ARHGEF10L: variants seen among roughly 807,000 people sequenced by gnomAD.
ARHGEF10L encodes rho guanine nucleotide exchange factor 10-like protein.
A neutral mutation model predicts 141.2 loss-of-function variants in ARHGEF10L; 69 were observed. The ratio of observed to expected loss-of-function variants is 0.49; its 90% CI spans 0.40 to 0.60. ARHGEF10L has a LOEUF of 0.60. Among genes scored for constraint, ARHGEF10L ranks in the 20% least tolerant of loss-of-function variants. ARHGEF10L has a pLI of 0.00. For synonymous variants in ARHGEF10L, 711 were observed against 718.5 expected (o/e 0.99, Z 0.17); for missense variants, 1,482 against 1,734.3 (o/e 0.85, Z 2.58).
rs1235151894 is a variant in ARHGEF10L at position 17,644,359 on chromosome 1, G to T, written c.2272+4057G>T. The stretch of plus-strand genomic sequence containing the variant: ...CTCAGCATGTCCTTGAACCCTCACT[G>T]CTGTCCCACAGGCTGGTGCTGGGAT... On this transcript the variant is annotated intron_variant, in intron 21 of 28. Transcript: ENST00000361221. This position sits in a 1 kb window ranked among gnomAD's most constrained non-coding sequence, Gnocchi z 4.5. Among the ~76,000 whole-genome samples the T allele has an allele frequency of 2.0e-5, 3 of 152,378 alleles. No individual in the cohort carries two copies. The highest frequency in any genetic ancestry group is 4.4e-5 in the Non-Finnish European group (3 of 68,040).
At chr1:17,546,171 G>C (rs2076907664) in intron 1 of ARHGEF10L, among the ~76,000 whole-genome samples, 1 of 152,130 alleles carries the variant, frequency 6.6e-6, no homozygotes. Context: ...GAGGTTTCTT[G>C]GTAGTTTCCT....
intron 7 of ARHGEF10L, among the ~76,000 whole-genome samples, chr1:17,608,362 A>T (rs1181017521): frequency 1.3e-5 from 2 of 152,174 alleles, no homozygotes; most frequent in Non-Finnish European, 2.9e-5. Flanking sequence ...CCTGGATCAG[A>T]TCCACTTGCT....
chr1:17,659,619 GC>G (rs1401961251), intron 25 of ARHGEF10L, among the ~76,000 whole-genome samples: 1 of 152,200 alleles, frequency 6.6e-6, no homozygotes, highest in Non-Finnish European at 1.5e-5. Flanking sequence ...CACCATAGTG[GC>G]CCTGGTGGTG....
At chr1:17,631,483 G>A (rs1021976868) in intron 15 of ARHGEF10L, among the ~76,000 whole-genome samples, 3 of 152,184 alleles carry the variant, frequency 2.0e-5, no homozygotes, top group Non-Finnish European at 4.4e-5. Flanking sequence ...CCTAAGAGGC[G>A]AGACAGGCCA....
intron 4 of ARHGEF10L, among the ~76,000 whole-genome samples, chr1:17,597,859 T>C (rs1189990061): frequency 6.6e-6 from 1 of 152,142 alleles, no homozygotes; most frequent in African/African-American, 2.4e-5. Context: ...GCTCATCAGG[T>C]GTTTCCAAAT....
At chr1:17,594,052 C>A (rs564818554) in intron 4 of ARHGEF10L, among the ~76,000 whole-genome samples, 1 of 151,462 alleles carries the variant, frequency 6.6e-6, no homozygotes, top group Non-Finnish European at 1.5e-5. Flanking sequence ...CACCTCTTTA[C>A]TGAGTGACTG....
intron 1 of ARHGEF10L, among the ~76,000 whole-genome samples, chr1:17,579,387 G>A (rs961777805): frequency 6.6e-6 from 1 of 152,164 alleles, no homozygotes; most frequent in African/African-American, 2.4e-5. Context: ...GAGTGTAGTA[G>A]CTGCTTCTAA....
chr1:17,631,999 G>A (rs2060720374), intron 15 of ARHGEF10L, among the ~76,000 whole-genome samples: 1 of 152,232 alleles, frequency 6.6e-6, no homozygotes, highest in South Asian at 2.1e-4. Context: ...GTCCTTGGCA[G>A]TGGCAATCAG....
At chr1:17,546,506 A>C (rs1173515932) in intron 1 of ARHGEF10L, among the ~76,000 whole-genome samples, 1 of 152,182 alleles carries the variant, frequency 6.6e-6, no homozygotes, top group Non-Finnish European at 1.5e-5. Context: ...ATTGAGTCTC[A>C]GAGACTTATC....
chr1:17,548,146 A>G (rs891296518), intron 1 of ARHGEF10L, among the ~76,000 whole-genome samples: 1 of 152,296 alleles, frequency 6.6e-6, no homozygotes, highest in Non-Finnish European at 1.5e-5. Context: ...GGCTTTTGTC[A>G]TGTAGGGGAG....
At chr1:17,693,540 G>A (rs2065254345) in intron 27 of ARHGEF10L, among the ~76,000 whole-genome samples, 1 of 152,200 alleles carries the variant, frequency 6.6e-6, no homozygotes, top group Admixed American at 6.5e-5. Flanking sequence ...GAAGTGTCAT[G>A]CCCAAGGAGG....
chr1:17,543,370 G>A (rs2076799729), intron 1 of ARHGEF10L, among the ~76,000 whole-genome samples: 1 of 152,078 alleles, frequency 6.6e-6, no homozygotes, highest in Non-Finnish European at 1.5e-5. Context: ...ATCCCCTGAG[G>A]TCGGGAGTTC....
intron 13 of ARHGEF10L, among the ~76,000 whole-genome samples, chr1:17,624,902 T>G (rs988383950): frequency 5.9e-5 from 9 of 152,214 alleles, no homozygotes; most frequent in Non-Finnish European, 1.5e-5. Flanking sequence ...AGGGGTATCT[T>G]GGGCATTGCT....
intron 22 of ARHGEF10L, among the ~76,000 whole-genome samples, chr1:17,653,789 T>C (rs1229512348): frequency 1.3e-5 from 2 of 152,254 alleles, no homozygotes; most frequent in African/African-American, 2.4e-5. Flanking sequence ...CTGTGTGACA[T>C]TGAGCCAGGC....
At chr1:17,692,837 G>T (rs899425113) in intron 27 of ARHGEF10L, among the ~76,000 whole-genome samples, 1 of 152,178 alleles carries the variant, frequency 6.6e-6, no homozygotes, top group Non-Finnish European at 1.5e-5. Flanking sequence ...TGTGCCCCAG[G>T]TGCACTGGCT....
the ARHGEF10L span, among the ~76,000 whole-genome samples, chr1:17,525,078 C>T: frequency 2.6e-5 from 4 of 152,270 alleles, no homozygotes; most frequent in Non-Finnish European, 5.9e-5. Flanking sequence ...GGGAGCTCTC[C>T]GGACCACACT....
chr1:17,697,532 A>C lies in ARHGEF10L; in HGVS notation c.*152A>C. On this transcript the variant is annotated 3_prime_UTR_variant, in exon 29 of 29. Coordinates refer to ENST00000361221, the MANE Select transcript of ARHGEF10L (RefSeq NM_018125.4). This position sits in a 1 kb window ranked among gnomAD's most constrained non-coding sequence, Gnocchi z 4.8. ...GCAAAGGAAAACCTCTTGTTTTAAA[A>C]AAATTTTTTTCAGAGTGTTTTGGGG... The C allele has an allele frequency of 8.7e-7, 1 of 1,150,920 alleles. No individual in the cohort carries two copies. The highest frequency in any genetic ancestry group is 2.6e-5 in the East Asian group (1 of 38,636). 71.3% of individuals were successfully genotyped at this position (1,150,920 alleles called of 1,614,324 possible). A position where few individuals can be genotyped will look rare whatever the true frequency, so the allele number is the denominator to read the frequency against.
intron 4 of ARHGEF10L, among the ~76,000 whole-genome samples, chr1:17,592,112 A>C (rs2079595788): frequency 1.3e-5 from 2 of 152,214 alleles, no homozygotes; most frequent in South Asian, 4.1e-4. Context: ...GTCGTGGTTG[A>C]AAGAGCAGCC....
At chr1:17,645,714 C>T (rs756046401) in intron 21 of ARHGEF10L, among the ~76,000 whole-genome samples, 2 of 152,138 alleles carry the variant, frequency 1.3e-5, no homozygotes, top group African/African-American at 2.4e-5. Flanking sequence ...CGTGCTGCCC[C>T]GGGACAAGGT....
Sources: allele counts gnomAD v4.1 joint callset (sites outside exome capture counted in the v4.1 genomes callset), GRCh38; gene constraint gnomAD v4.1.1; non-coding constraint Gnocchi (gnomAD v3.1); transcripts MANE v1.5; gene names NCBI Gene and HGNC (gene_info 2026-07-23, HGNC 2026-07-21).